Variants in SCP2 observed in about 807,000 individuals in gnomAD.
SCP2 encodes SCP-2/3-oxoacyl-CoA thiolase.
Under a neutral mutation model 71.4 loss-of-function variants are expected in SCP2, and 48 were observed. The ratio of observed to expected loss-of-function variants is 0.67; its 90% CI spans 0.53 to 0.86. SCP2 has a LOEUF of 0.86. Among genes scored for constraint, SCP2 ranks in the 40% least tolerant of loss-of-function variants. The pLI is 0.00. For synonymous variants in SCP2, 220 were observed against 218.1 expected, an observed-to-expected ratio of 1.01 and a Z score of -0.08; for missense variants, 560 against 655.6, an observed-to-expected ratio of 0.85 and a Z score of 1.59.
chr1:52,974,528 G>A (rs1657776781), intron 6 of SCP2, among the ~76,000 whole-genome samples: 1 of 152,130 alleles, frequency 6.6e-6, no homozygotes, highest in Non-Finnish European at 1.5e-5. Flanking sequence ...AATTAGAATA[G>A]ATCAGTTTGA....
chr1:52,938,599 C>T (rs918336184), intron 1 of SCP2, among the ~76,000 whole-genome samples: 10 of 152,184 alleles, frequency 6.6e-5, no homozygotes, highest in Admixed American at 6.5e-5. Flanking sequence ...ATGCAAGTCT[C>T]GTCATCCCAG....
chr1:53,022,002 G>A (rs116500633), intron 12 of SCP2, among the ~76,000 whole-genome samples: 1,844 of 152,220 alleles, frequency 0.012, 19 homozygotes, highest in African/African-American at 0.042. Context: ...TAATTCACAT[G>A]CCCACAATTC....
chr1:52,963,203 T>G (rs2150145827), intron 6 of SCP2, among the ~76,000 whole-genome samples: 1 of 152,290 alleles, frequency 6.6e-6, no homozygotes, highest in East Asian at 1.9e-4. Flanking sequence ...TTCATAGCAC[T>G]TAGCACTATT....
intron 3 of SCP2, among the ~76,000 whole-genome samples, 174 bp downstream of exon 3, chr1:52,948,254 A>C (rs758402663): frequency 4.6e-5 from 7 of 152,236 alleles, no homozygotes; most frequent in Non-Finnish European, 7.3e-5. Flanking sequence ...GATTTAAGGG[A>C]ATTACCACTA....
At chr1:52,977,281 C>T (rs1035150486) in intron 8 of SCP2, among the ~76,000 whole-genome samples, 1 of 152,082 alleles carries the variant, frequency 6.6e-6, no homozygotes, top group African/African-American at 2.4e-5. Context: ...CTGGCTGTGC[C>T]CTGTAGATAC....
chr1:53,022,793 C>T lies in SCP2; in HGVS notation c.1236-5176C>T, dbSNP rs148641778. On this transcript the variant is annotated intron_variant, in intron 12 of 15. Coordinates refer to ENST00000371514, the MANE Select transcript of SCP2 (RefSeq NM_002979.5). ...CGGTGCTTCTGTTTTCCTGGCTACT[C>T]TGTGCTCTCAGTCTTTGACATTGTT... 2.6e-4 allele frequency among the ~76,000 whole-genome samples: 39 copies of T among 152,256 alleles called. No individual in the cohort carries two copies. In the East Asian group the frequency reaches 6.6e-3, roughly 26 times the overall value.
At chr1:52,961,380 A>T in intron 5 of SCP2, 123 bp from the exon 6 acceptor site, 1 of 999,196 alleles carries the variant, frequency 1.0e-6, no homozygotes, top group Non-Finnish European at 1.5e-6. Flanking sequence ...GATTTGATTC[A>T]CATTGACAAT....
intron 11 of SCP2, among the ~76,000 whole-genome samples, chr1:52,991,011 G>A (rs988561248): frequency 1.3e-5 from 2 of 152,178 alleles, no homozygotes; most frequent in African/African-American, 4.8e-5. Context: ...GGCAATAATA[G>A]TGCAGGTACA....
chr1:53,030,839 G>A (rs1340034110), intron 13 of SCP2, among the ~76,000 whole-genome samples: 1 of 150,242 alleles, frequency 6.7e-6, no homozygotes, highest in African/African-American at 2.5e-5. Context: ...GGCGGAGGTT[G>A]CAGTGAGCCA....
chr1:52,997,371 G>A (rs56714774), intron 11 of SCP2, among the ~76,000 whole-genome samples: 20,691 of 151,982 alleles, frequency 0.14, 2,034 homozygotes, highest in East Asian at 0.32. Context: ...GTTTCATTAT[G>A]TTGGCCAGGC....
At chr1:52,956,862 TAAAAAGAAATATATATAA>T (rs1001190391) in intron 5 of SCP2, among the ~76,000 whole-genome samples, 2 of 151,082 alleles carry the variant, frequency 1.3e-5, no homozygotes, top group Non-Finnish European at 2.9e-5. Context: ...ATAGTACAAT[TAAAAAGAAATATATATAA>T]ATTAAAAGTC....
intron 11 of SCP2, among the ~76,000 whole-genome samples, chr1:53,002,135 C>T (rs76845575): frequency 0.066 from 9,899 of 149,420 alleles, 644 homozygotes; most frequent in Admixed American, 0.2. Flanking sequence ...TGCAGTGAGC[C>T]GAGATCACGC....
At chr1:52,960,508 GTGTGTGTGTGTATA>G (rs1370188242) in intron 5 of SCP2, among the ~76,000 whole-genome samples, 1 of 138,506 alleles carries the variant, frequency 7.2e-6, no homozygotes, top group Non-Finnish European at 1.5e-5. Flanking sequence ...GTGTGTGTGT[GTGTGTGTGTGTATA>G]TGTGTGTATA....
intron 10 of SCP2, among the ~76,000 whole-genome samples, 199 bp from the exon 11 acceptor site, chr1:52,987,830 T>C (rs574415850): frequency 1.4e-4 from 22 of 152,346 alleles, no homozygotes; most frequent in African/African-American, 5.3e-4. Context: ...TAATAGGAGC[T>C]TTTGTTTCAT....
At chr1:52,939,182 T>C (rs1398757073) in intron 1 of SCP2, among the ~76,000 whole-genome samples, 1 of 152,212 alleles carries the variant, frequency 6.6e-6, no homozygotes, top group Non-Finnish European at 1.5e-5. Context: ...TGCCACAGTT[T>C]ATCCTTTTAC....
intron 8 of SCP2, among the ~76,000 whole-genome samples, 198 bp from the exon 9 acceptor site, chr1:52,978,019 C>T (rs143142984): frequency 6.9e-4 from 104 of 151,768 alleles, no homozygotes; most frequent in South Asian, 1.0e-3. Flanking sequence ...TAGTGATTGA[C>T]AACATTTAAG....
At chr1:52,933,839 T>C (rs1653396147) in intron 1 of SCP2, among the ~76,000 whole-genome samples, 1 of 152,220 alleles carries the variant, frequency 6.6e-6, no homozygotes, top group Non-Finnish European at 1.5e-5. Flanking sequence ...TTGTTTGCCA[T>C]TTTCATTGTA....
At chr1:53,035,703 A>ATAG (rs1662876093) in intron 13 of SCP2, among the ~76,000 whole-genome samples, 1 of 147,574 alleles carries the variant, frequency 6.8e-6, no homozygotes, top group African/African-American at 2.6e-5. Flanking sequence ...TGGCACAGAA[A>ATAG]TAGCTAGATC....
In SCP2 at chr1:53,051,134, G is replaced by C. The variant is rs1664174927; in HGVS notation, c.*430G>C. 1 of 158,384 alleles carries C rather than the reference G, an allele frequency of 6.3e-6. No individual in the cohort carries two copies. The highest frequency in any genetic ancestry group is 1.4e-5 in the Non-Finnish European group (1 of 71,790). 9.8% of individuals were successfully genotyped at this position (158,384 alleles called of 1,614,324 possible). A position where few individuals can be genotyped will look rare whatever the true frequency, so the allele number is the denominator to read the frequency against. ...AATGCCAACAGCTGGCCAGTAATTA[G>C]TGTTGTGCACTTCATGTCATTAATC... On this transcript the variant is annotated 3_prime_UTR_variant, in exon 16 of 16. Coordinates refer to ENST00000371514, the MANE Select transcript of SCP2 (RefSeq NM_002979.5).
Sources: gnomAD v4.1 joint callset for allele counts (sites outside exome capture counted in the v4.1 genomes callset) on GRCh38, gnomAD v4.1.1 for gene constraint, MANE v1.5 for transcripts, NCBI Gene and HGNC (gene_info 2026-07-23, HGNC 2026-07-21) for gene names.